DPP6: variants seen among roughly 807,000 people sequenced by gnomAD.
DPP6 encodes the protein A-type potassium channel modulatory protein DPP6.
A neutral mutation model predicts 122.6 loss-of-function variants in DPP6; 69 were observed. The observed-to-expected ratio is 0.56, with a 90% CI of 0.46 to 0.69. The LOEUF (loss-of-function observed/expected upper bound fraction) is 0.69. DPP6 is among the 30% of genes least tolerant of loss of function. The pLI, the probability that DPP6 is intolerant of heterozygous loss-of-function variation, is 0.00. For missense variants in DPP6, 928 were observed against 1,116.9 expected (o/e 0.83, Z 2.41); for synonymous variants, 418 against 433.1 (o/e 0.97, Z 0.43).
At chr7:154,032,476 GT>G (rs1235942953) in intron 1 of DPP6, among the ~76,000 whole-genome samples, 3 of 152,112 alleles carry the variant, frequency 2.0e-5, no homozygotes, top group Non-Finnish European at 1.5e-5. Context: ...CAATTCCCCA[GT>G]AAAATGTTAC....
At chr7:154,871,306 T>C (rs943509761) in intron 18 of DPP6, among the ~76,000 whole-genome samples, 1 of 152,126 alleles carries the variant, frequency 6.6e-6, no homozygotes, top group Non-Finnish European at 1.5e-5. Context: ...GGGGTTTCCT[T>C]AAAAGGTGGG....
intron 1 of DPP6, among the ~76,000 whole-genome samples, chr7:154,398,083 C>T (rs1815244374): frequency 1.3e-5 from 2 of 152,156 alleles, no homozygotes; most frequent in Non-Finnish European, 2.9e-5. Context: ...AATCAGAGCA[C>T]CAACCCTAGA....
At chr7:153,764,237 G>A in the DPP6 span, among the ~76,000 whole-genome samples, 1 of 152,270 alleles carries the variant, frequency 6.6e-6, no homozygotes, top group East Asian at 1.9e-4. Flanking sequence ...TGTGGGTCTG[G>A]AAACCTGCAC....
intron 3 of DPP6, among the ~76,000 whole-genome samples, chr7:154,533,215 A>G (rs920490619): frequency 3.3e-5 from 5 of 152,210 alleles, no homozygotes; most frequent in Non-Finnish European, 5.9e-5. Context: ...TGTTACATAA[A>G]TGTGTATGTT....
At chr7:154,229,772 T>C (rs1403218231) in intron 1 of DPP6, among the ~76,000 whole-genome samples, 1 of 152,188 alleles carries the variant, frequency 6.6e-6, no homozygotes, top group Non-Finnish European at 1.5e-5. Context: ...GTTGCTCTGA[T>C]GGAGGCTTTT....
At chr7:154,548,714 A>C (rs1277417584) in intron 4 of DPP6, among the ~76,000 whole-genome samples, 2 of 152,082 alleles carry the variant, frequency 1.3e-5, no homozygotes, top group Non-Finnish European at 2.9e-5. Flanking sequence ...TGGTGGGTGG[A>C]TACAGTGATT....
chr7:154,412,737 G>A (rs148171225), intron 1 of DPP6, among the ~76,000 whole-genome samples: 1 of 151,938 alleles, frequency 6.6e-6, no homozygotes, highest in South Asian at 2.1e-4. Flanking sequence ...ATTCAATGCC[G>A]CCCAATCCGA....
chr7:153,970,636 G>C (rs1422216516), intron 1 of DPP6, among the ~76,000 whole-genome samples: 2 of 152,048 alleles, frequency 1.3e-5, no homozygotes, highest in Non-Finnish European at 2.9e-5. Context: ...TGCACATTTA[G>C]CTCTGTAATA....
chr7:154,057,189 G>C (rs1412673499), intron 1 of DPP6, among the ~76,000 whole-genome samples: 1 of 152,192 alleles, frequency 6.6e-6, no homozygotes, highest in Non-Finnish European at 1.5e-5. Context: ...CCCTGTTTGA[G>C]GGCCTTGGCA....
intron 16 of DPP6, among the ~76,000 whole-genome samples, chr7:154,840,564 G>A (rs1012943103): frequency 1.3e-5 from 2 of 152,350 alleles, no homozygotes; most frequent in South Asian, 4.1e-4. Flanking sequence ...GTTGTCTCGG[G>A]AAGCTGAGCA....
At chr7:154,167,344 A>G (rs1316616361) in intron 1 of DPP6, among the ~76,000 whole-genome samples, 1 of 152,252 alleles carries the variant, frequency 6.6e-6, no homozygotes, top group Non-Finnish European at 1.5e-5. Flanking sequence ...TTTTCTAGGA[A>G]GCCACTCAGA....
chr7:154,385,046 C>T (rs1426276624), intron 1 of DPP6, among the ~76,000 whole-genome samples: 1 of 152,108 alleles, frequency 6.6e-6, no homozygotes, highest in African/African-American at 2.4e-5. Context: ...TCTCGGCTCA[C>T]GGCAAGCTCT....
intron 1 of DPP6, among the ~76,000 whole-genome samples, chr7:153,997,593 GCACACACA>G (rs3980023): frequency 6.9e-6 from 1 of 145,982 alleles, no homozygotes; most frequent in South Asian, 2.2e-4. Flanking sequence ...TGAGTGCACA[GCACACACA>G]CACACACACA....
chr7:154,410,308 T>C (rs1025018853), intron 1 of DPP6, among the ~76,000 whole-genome samples: 2 of 152,226 alleles, frequency 1.3e-5, no homozygotes, highest in Non-Finnish European at 2.9e-5. Context: ...GCGAGATTAG[T>C]GGATTCTGGA....
chr7:154,062,860 CT>C (rs529233899), intron 1 of DPP6, among the ~76,000 whole-genome samples: 4 of 133,922 alleles, frequency 3.0e-5, no homozygotes, highest in East Asian at 4.5e-4. Flanking sequence ...GACCCTCTTC[CT>C]CCCCCAGCTT....
chr7:154,751,672 G>A (rs888584210), intron 8 of DPP6, among the ~76,000 whole-genome samples: 2 of 151,782 alleles, frequency 1.3e-5, no homozygotes, highest in African/African-American at 4.8e-5. Flanking sequence ...CATCTCCTAA[G>A]TGCTGCACCA....
At chr7:154,369,721 G>T (rs112000394) in intron 1 of DPP6, among the ~76,000 whole-genome samples, 1 of 152,302 alleles carries the variant, frequency 6.6e-6, no homozygotes, top group Non-Finnish European at 1.5e-5. Flanking sequence ...AATTGCTAAC[G>T]CTGCCCTTGG....
chr7:154,154,062 C>A (rs1187444966), intron 1 of DPP6, among the ~76,000 whole-genome samples: 1 of 152,230 alleles, frequency 6.6e-6, no homozygotes, highest in African/African-American at 2.4e-5. Flanking sequence ...CAGGAGGTGA[C>A]AGGGAAATGA....
intron 3 of DPP6, among the ~76,000 whole-genome samples, chr7:154,535,200 T>C (rs1434539179): frequency 6.6e-6 from 1 of 152,142 alleles, no homozygotes; most frequent in Non-Finnish European, 1.5e-5. Flanking sequence ...GCTTGTTACA[T>C]ATACTGTCTA....
Sources: gnomAD v4.1 joint callset for allele counts (sites outside exome capture counted in the v4.1 genomes callset) on GRCh38, gnomAD v4.1.1 for gene constraint, MANE v1.5 for transcripts, NCBI Gene and HGNC (gene_info 2026-07-23, HGNC 2026-07-21) for gene names.